The following ENTPD5 variants were observed in gnomAD, a reference collection of about 807,000 sequenced individuals.
The protein encoded by ENTPD5 is ectonucleoside triphosphate diphosphohydrolase 5 (inactive).
Under a neutral mutation model 60.2 loss-of-function variants are expected in ENTPD5, and 49 were observed. That is an observed-to-expected ratio of 0.81 (90% CI 0.65 to 1.03). ENTPD5 has a LOEUF of 1.03. ENTPD5 is among the 50% of genes least tolerant of loss of function. The pLI is 0.00. For synonymous variants in ENTPD5, 187 were observed against 185.4 expected (o/e 1.01, Z -0.07); for missense variants, 480 against 507.6 (o/e 0.95, Z 0.52).
rs201267632 is a variant in ENTPD5, at chr14:74,012,292, G to A, written c.-130-1142C>T. Among the ~76,000 whole-genome samples, 49 of 83,626 alleles carry A rather than the reference G, an allele frequency of 5.9e-4. 1 individual carries two copies. In the East Asian group the frequency reaches 0.093, roughly 158 times the overall value. 54.9% of individuals were successfully genotyped at this position (83,626 alleles called of 152,430 possible). A position where few individuals can be genotyped will look rare whatever the true frequency, so the allele number is the denominator to read the frequency against. On this transcript the variant is annotated intron_variant, in intron 2 of 15. Coordinates refer to ENST00000334696, the MANE Select transcript of ENTPD5 (RefSeq NM_001249.5). Reference sequence around the variant, plus strand: ...GCTAATTTTTTATTTTTAGTAGAGAGGGGGGGGTTTCATTATGTTGGCCAG... The same window carrying A: ...GCTAATTTTTTATTTTTAGTAGAGAAGGGGGGGTTTCATTATGTTGGCCAG...
chr14:73,960,636 A>T (rs569909497), downstream of ENTPD5: 111 of 1,029,874 alleles, frequency 1.1e-4, no homozygotes, highest in East Asian at 6.1e-3. Flanking sequence ...CTCTGGAGAT[A>T]CTGAGAACAG....
intron 14 of ENTPD5, among the ~76,000 whole-genome samples, chr14:73,971,165 T>TC (rs1362054440): frequency 6.6e-6 from 1 of 150,784 alleles, no homozygotes; most frequent in Non-Finnish European, 1.5e-5. Flanking sequence ...CCTCTTTGTT[T>TC]TTTTTTTTTT....
downstream of ENTPD5, chr14:73,962,561 G>GA (rs141459361): frequency 0.4 from 68,671 of 173,074 alleles, 13,369 homozygotes; most frequent in Non-Finnish European, 0.46. Flanking sequence ...CCAGTCTCTT[G>GA]AAAAAAAAAA....
In ENTPD5 at chr14:73,980,236, C is replaced by CGCGCCTGGCCTACTA. The variant is rs1009427316; in HGVS notation, c.441+2767_441+2781dup. Among the ~76,000 whole-genome samples the CGCGCCTGGCCTACTA allele has an allele frequency of 4.0e-5, 6 of 149,544 alleles. No individual in the cohort carries two copies. In the Admixed American group the frequency reaches 4.0e-4, roughly 10 times the overall value. On this transcript the variant is annotated intron_variant, in intron 6 of 15. Transcript: ENST00000334696. ...TGTTGGGATTACAGGCATGAGCCAC[C>CGCGCCTGGCCTACTA]GCGCCTGGCCTACTATGATTTTCAG...
chr14:73,960,327 A>G, downstream of ENTPD5: 1 of 986,762 alleles, frequency 1.0e-6, no homozygotes, highest in Non-Finnish European at 1.2e-6. Context: ...CATCTTTAGT[A>G]CATTGTAGGT....
downstream of ENTPD5, chr14:73,958,182 C>G (rs368464022): frequency 2.5e-6 from 4 of 1,614,052 alleles, no homozygotes; most frequent in Non-Finnish European, 3.4e-6. Flanking sequence ...CAAAGCCATT[C>G]GCTATACCTG....
At chr14:74,005,533 T>C (rs1464465882) in intron 3 of ENTPD5, among the ~76,000 whole-genome samples, 1 of 151,522 alleles carries the variant, frequency 6.6e-6, no homozygotes, top group Non-Finnish European at 1.5e-5. Context: ...ACTGGCCAGG[T>C]GCGGTGGCTC....
chr14:74,003,789 A>G (rs117393120), intron 3 of ENTPD5, among the ~76,000 whole-genome samples: 2,638 of 152,150 alleles, frequency 0.017, 27 homozygotes, highest in Middle Eastern at 0.065. Flanking sequence ...AAAAAAAAAG[A>G]AAAAGAAAAA....
At chr14:74,002,856 T>C (rs34039294) in intron 3 of ENTPD5, among the ~76,000 whole-genome samples, 48,075 of 152,046 alleles carry the variant, frequency 0.32, 9,210 homozygotes, top group Non-Finnish European at 0.42. Context: ...GTCCTGAAAA[T>C]AGCCTTCTGC....
At chr14:73,957,905 G>T (rs2056519013), downstream of ENTPD5, 5 of 480,248 alleles carry the variant, frequency 1.0e-5, no homozygotes, top group Non-Finnish European at 1.9e-5. Flanking sequence ...CATGTGGACA[G>T]TAAGAAAGAG....
At chr14:74,013,066 G>A (rs1241722831) in intron 2 of ENTPD5, among the ~76,000 whole-genome samples, 2 of 152,132 alleles carry the variant, frequency 1.3e-5, no homozygotes, top group Admixed American at 6.6e-5. Flanking sequence ...GCACGCATCA[G>A]AACCACCTGG....
downstream of ENTPD5, chr14:73,961,343 T>C (rs1158996424): frequency 6.2e-7 from 1 of 1,614,094 alleles, no homozygotes; most frequent in Non-Finnish European, 8.5e-7. Context: ...GACATGCTGC[T>C]GAGTACGTCA....
chr14:73,989,711 T>C (rs1482866308), intron 3 of ENTPD5, among the ~76,000 whole-genome samples: 1 of 151,356 alleles, frequency 6.6e-6, no homozygotes, highest in Admixed American at 6.6e-5. Flanking sequence ...CGGGTGCCTA[T>C]AATCCCAGCT....
chr14:74,004,316 C>T (rs1383030428), intron 3 of ENTPD5, among the ~76,000 whole-genome samples: 7 of 151,966 alleles, frequency 4.6e-5, no homozygotes, highest in Non-Finnish European at 1.0e-4. Context: ...TACAGGCACC[C>T]CCCACCACAC....
downstream of ENTPD5, chr14:73,959,684 C>T: frequency 7.4e-7 from 1 of 1,357,750 alleles, no homozygotes; most frequent in Non-Finnish European, 1.0e-6. Context: ...ATTCTCCTGC[C>T]TCAGCCTCCT....
chr14:73,993,498 C>T (rs911120098), intron 3 of ENTPD5, among the ~76,000 whole-genome samples: 2 of 152,198 alleles, frequency 1.3e-5, no homozygotes, highest in African/African-American at 2.4e-5. Context: ...TGACCTTTTA[C>T]AATCCCAAAC....
chr14:73,984,255 T>C (rs947675327), intron 5 of ENTPD5, among the ~76,000 whole-genome samples: 6 of 152,098 alleles, frequency 3.9e-5, no homozygotes, highest in African/African-American at 1.4e-4. Flanking sequence ...AAAACAGGAG[T>C]TAGAGTCAGA....
At chr14:73,994,106 G>C (rs938436269) in intron 3 of ENTPD5, among the ~76,000 whole-genome samples, 2 of 151,852 alleles carry the variant, frequency 1.3e-5, no homozygotes, top group African/African-American at 2.4e-5. Context: ...ATGGCATTAG[G>C]CATTGTCTTA....
intron 1 of ENTPD5, among the ~76,000 whole-genome samples, chr14:74,017,578 C>CAA (rs1188373135): frequency 7.5e-5 from 7 of 93,418 alleles, no homozygotes; most frequent in East Asian, 3.1e-4. Flanking sequence ...AACTCTGTCT[C>CAA]AAAAAAAAAA....
Sources: gnomAD v4.1 joint callset for allele counts (sites outside exome capture counted in the v4.1 genomes callset) on GRCh38, gnomAD v4.1.1 for gene constraint, MANE v1.5 for transcripts, NCBI Gene and HGNC (gene_info 2026-07-23, HGNC 2026-07-21) for gene names.